Variants in DLC1 observed in about 807,000 individuals in gnomAD.
The protein encoded by DLC1 is DLC1 Rho GTPase activating protein.
DLC1 carries 54 observed loss-of-function variants against 140.3 expected under a neutral mutation model. The observed-to-expected ratio is 0.38, with a 90% CI of 0.31 to 0.48. The LOEUF is 0.48. Ranked by LOEUF, DLC1 falls within the 20% of genes least tolerant of loss-of-function variation. DLC1 has a pLI of 0.96. For missense variants in DLC1, 2,536 were observed against 1,907.0 expected, an observed-to-expected ratio of 1.33 and a Z score of -6.14; for synonymous variants, 986 against 728.1, an observed-to-expected ratio of 1.35 and a Z score of -5.70.
chr8:13,458,024 T>G (rs289542), intron 2 of DLC1, among the ~76,000 whole-genome samples: 82,381 of 151,836 alleles, frequency 0.54, 23,047 homozygotes, highest in African/African-American at 0.68. Flanking sequence ...GGACAGTAAA[T>G]TAATAATTGA....
At chr8:13,530,907 G>A (rs1015862841) in intron 1 of DLC1, among the ~76,000 whole-genome samples, 1 of 152,146 alleles carries the variant, frequency 6.6e-6, no homozygotes, top group Non-Finnish European at 1.5e-5. Context: ...GAGCTAAATT[G>A]TGTTCCCTGC....
chr8:13,353,444 G>T (rs751086041), intron 4 of DLC1: 3 of 151,956 alleles, frequency 2.0e-5, no homozygotes, highest in African/African-American at 7.3e-5. Flanking sequence ...ACTAGAGTGG[G>T]AATGAGTGTG....
intron 1 of DLC1, among the ~76,000 whole-genome samples, chr8:13,592,790 G>A (rs1208208082): frequency 6.6e-6 from 1 of 151,984 alleles, no homozygotes; most frequent in Non-Finnish European, 1.5e-5. Flanking sequence ...TAAAGCCCTA[G>A]GATTTTGTTT....
At chr8:13,535,665 T>C (rs1189792190) in intron 1 of DLC1, among the ~76,000 whole-genome samples, 1 of 36,240 alleles carries the variant, frequency 2.8e-5, no homozygotes, top group Non-Finnish European at 5.1e-5. Context: ...GGATCATTGC[T>C]CATTAAAAAA....
intron 1 of DLC1, among the ~76,000 whole-genome samples, chr8:13,544,378 A>G (rs1309420276): frequency 6.6e-6 from 1 of 152,210 alleles, no homozygotes; most frequent in Non-Finnish European, 1.5e-5. Flanking sequence ...ACTCTAATTT[A>G]AATAATACAT....
At chr8:13,490,734 A>C (rs578244354) in intron 2 of DLC1, among the ~76,000 whole-genome samples, 2 of 152,296 alleles carry the variant, frequency 1.3e-5, no homozygotes, top group African/African-American at 4.8e-5. Context: ...TTGGCTCTGA[A>C]GTAACCATTC....
At chr8:13,222,871 G>T (rs1159005972) in intron 5 of DLC1, among the ~76,000 whole-genome samples, 1 of 151,686 alleles carries the variant, frequency 6.6e-6, no homozygotes, top group Non-Finnish European at 1.5e-5. Context: ...AGCCTCCCCA[G>T]TCGCTGGGAC....
At chr8:13,322,879 G>A (rs144372027) in intron 4 of DLC1, among the ~76,000 whole-genome samples, 18 of 152,218 alleles carry the variant, frequency 1.2e-4, no homozygotes, top group African/African-American at 2.4e-4. Context: ...GATGGTATGC[G>A]ACTTCTGACT....
At chr8:13,561,082 C>G (rs1804226006) in intron 1 of DLC1, among the ~76,000 whole-genome samples, 1 of 151,310 alleles carries the variant, frequency 6.6e-6, no homozygotes, top group African/African-American at 2.4e-5. Context: ...GTCAATTTGT[C>G]TAACATTTAG....
chr8:13,169,363 A>C (rs1825308711), intron 5 of DLC1, among the ~76,000 whole-genome samples: 1 of 152,196 alleles, frequency 6.6e-6, no homozygotes, highest in African/African-American at 2.4e-5. Flanking sequence ...AAAATTATTT[A>C]ATCTCTCAAA....
chr8:13,393,404 G>C (rs1370231629), intron 4 of DLC1, 149 bp downstream of exon 4: 28 of 870,838 alleles, frequency 3.2e-5, no homozygotes, highest in Non-Finnish European at 4.4e-5. Flanking sequence ...TTTTTCTAGG[G>C]TTGTACTTAA....
Position 13,591,356 on chromosome 8 carries a change from G to A in DLC1, c.-126+13181C>T, listed in dbSNP as rs569752418. The stretch of plus-strand genomic sequence containing the variant: ...AAATCATGGGGGCAGTTGCCCTCAA[G>A]ATGTTCTTGTGATAGTGAGTGAGTT... On this transcript the variant is annotated intron_variant, in intron 1 of 1. Transcript: ENST00000631382. Among the ~76,000 whole-genome samples, 12 of 152,170 alleles carry A rather than the reference G, an allele frequency of 7.9e-5. 1 individual carries two copies. In the South Asian group the frequency reaches 2.5e-3, roughly 32 times the overall value.
intron 5 of DLC1, among the ~76,000 whole-genome samples, chr8:13,257,867 C>T (rs1275595003): frequency 6.6e-6 from 1 of 152,178 alleles, no homozygotes; most frequent in African/African-American, 2.4e-5. Context: ...CATCTTTAGT[C>T]AGGAGCAAGC....
At chr8:13,417,822 C>T (rs375903112) in intron 2 of DLC1, among the ~76,000 whole-genome samples, 34 of 152,128 alleles carry the variant, frequency 2.2e-4, no homozygotes, top group East Asian at 2.1e-3. Flanking sequence ...TTTACAGTCC[C>T]ACCAACAGTG....
intron 4 of DLC1, among the ~76,000 whole-genome samples, chr8:13,343,205 A>G (rs1254435137): frequency 6.6e-6 from 1 of 152,196 alleles, no homozygotes. Context: ...TGAGTCAGAG[A>G]TTGGGTCATC....
At chr8:13,501,838 T>C (rs1302006483) in intron 1 of DLC1, among the ~76,000 whole-genome samples, 3 of 152,222 alleles carry the variant, frequency 2.0e-5, no homozygotes, top group African/African-American at 7.2e-5. Context: ...TAAGTCATTA[T>C]AACGTGGGAG....
chr8:13,598,689 A>G (rs1563466895), intron 1 of DLC1, among the ~76,000 whole-genome samples: 1 of 151,976 alleles, frequency 6.6e-6, no homozygotes, highest in Non-Finnish European at 1.5e-5. Context: ...CTATTATTGC[A>G]TTACTACTTT....
At chr8:13,489,902 T>C (rs1441984180) in intron 2 of DLC1, among the ~76,000 whole-genome samples, 2 of 152,220 alleles carry the variant, frequency 1.3e-5, no homozygotes, top group East Asian at 1.9e-4. Flanking sequence ...TCTCGAATTC[T>C]GGTTAAAAAA....
intron 1 of DLC1, among the ~76,000 whole-genome samples, chr8:13,509,177 C>G (rs981392447): frequency 2.6e-5 from 4 of 152,158 alleles, no homozygotes; most frequent in Non-Finnish European, 4.4e-5. Context: ...TAAGTGGTCA[C>G]TTTATTTTTA....
Sources: allele counts gnomAD v4.1 joint callset (sites outside exome capture counted in the v4.1 genomes callset), GRCh38; gene constraint gnomAD v4.1.1; transcripts MANE v1.5; gene names NCBI Gene and HGNC (gene_info 2026-07-23, HGNC 2026-07-21).